KALRN: variants seen among roughly 807,000 people sequenced by gnomAD.
KALRN encodes the protein kalirin.
Under a neutral mutation model 353.7 loss-of-function variants are expected in KALRN, and 70 were observed. That is an observed-to-expected ratio of 0.20 (90% CI 0.16 to 0.24). KALRN has a LOEUF of 0.24. KALRN is among the 10% of genes least tolerant of loss of function. The probability of loss-of-function intolerance (pLI) is 1.00; values close to 1 mark genes in which losing one functional copy is unlikely to be tolerated. For missense variants in KALRN, 2,791 were observed against 3,756.7 expected, an observed-to-expected ratio of 0.74 and a Z score of 6.72; for synonymous variants, 1,391 against 1,434.8, an observed-to-expected ratio of 0.97 and a Z score of 0.69.
chr3:124,060,570 C>G (rs2041919119), intron 1 of KALRN, among the ~76,000 whole-genome samples: 2 of 152,298 alleles, frequency 1.3e-5, no homozygotes, highest in Middle Eastern at 3.4e-3. Flanking sequence ...TCCCGCTTCC[C>G]CCAGCTGCAG....
At chr3:124,177,804 C>T (rs2150171288) in intron 1 of KALRN, among the ~76,000 whole-genome samples, 1 of 152,242 alleles carries the variant, frequency 6.6e-6, no homozygotes, top group African/African-American at 2.4e-5. Context: ...TTTTAGTGGC[C>T]AGTAGCCCAG....
At chr3:124,440,808 C>T (rs998705665) in intron 18 of KALRN, among the ~76,000 whole-genome samples, 1 of 151,774 alleles carries the variant, frequency 6.6e-6, no homozygotes, top group Non-Finnish European at 1.5e-5. Flanking sequence ...TATTACTTTA[C>T]AACCAGAAAA....
chr3:124,678,382 C>A lies in KALRN; in HGVS notation c.7317+69C>A, dbSNP rs570094761. The stretch of plus-strand genomic sequence containing the variant: ...TCCCACCCTGCAGCATTCTCACAAG[C>A]CAATTTGGGTGGATGGGTTATTTTT... On this transcript the variant is annotated intron_variant, in intron 50 of 59. Transcript: ENST00000682506. 5.0e-4 allele frequency: 776 copies of A among 1,551,256 alleles called. 7 individuals are homozygous for A. In the Middle Eastern group the frequency reaches 9.1e-3, roughly 18 times the overall value.
chr3:124,651,565 A>G (rs2150110948), intron 38 of KALRN, among the ~76,000 whole-genome samples: 1 of 152,302 alleles, frequency 6.6e-6, no homozygotes, highest in East Asian at 1.9e-4. Flanking sequence ...TGAGTTGATC[A>G]AGAATATACC....
chr3:124,055,374 C>T (rs1441069791), intron 1 of KALRN, among the ~76,000 whole-genome samples: 1 of 152,208 alleles, frequency 6.6e-6, no homozygotes, highest in Non-Finnish European at 1.5e-5. Context: ...CCACTAAACA[C>T]GTCTCTTGAA....
intron 1 of KALRN, among the ~76,000 whole-genome samples, chr3:124,066,208 GA>G (rs1422226505): frequency 6.6e-6 from 1 of 152,182 alleles, no homozygotes; most frequent in East Asian, 1.9e-4. Flanking sequence ...TAGCCATTAT[GA>G]TTTTTTTTCT....
At chr3:124,191,151 C>T (rs1468095923) in intron 1 of KALRN, among the ~76,000 whole-genome samples, 2 of 152,232 alleles carry the variant, frequency 1.3e-5, no homozygotes, top group Non-Finnish European at 2.9e-5. Context: ...TATGTCATTT[C>T]TGGGTGTGCC....
intron 9 of KALRN, among the ~76,000 whole-genome samples, chr3:124,342,595 A>C (rs13093450): frequency 0.31 from 47,184 of 152,106 alleles, 7,525 homozygotes; most frequent in Non-Finnish European, 0.34. Context: ...TATTTTTAAA[A>C]TGGATTTGGT....
At chr3:124,395,382 G>A (rs1305180235) in intron 12 of KALRN, 39 bp downstream of exon 12, 1 of 1,536,164 alleles carries the variant, frequency 6.5e-7, no homozygotes, top group Admixed American at 1.9e-5. Flanking sequence ...AAATGCCTCG[G>A]GCTAGACGTG....
chr3:124,698,183 G>A (rs2062146550), intron 55 of KALRN, among the ~76,000 whole-genome samples: 1 of 152,176 alleles, frequency 6.6e-6, no homozygotes, highest in Admixed American at 6.5e-5. Flanking sequence ...TGCCCAGGCT[G>A]CTGGCTGCTG....
chr3:124,464,945 C>T (rs1475434397), intron 25 of KALRN, among the ~76,000 whole-genome samples: 1 of 151,114 alleles, frequency 6.6e-6, no homozygotes. Context: ...GGGCCCAATA[C>T]AGCCACTGTG....
intron 2 of KALRN, among the ~76,000 whole-genome samples, chr3:124,230,653 C>A (rs181672030): frequency 6.6e-6 from 1 of 151,994 alleles, no homozygotes; most frequent in Non-Finnish European, 1.5e-5. Context: ...GCATAGCTCT[C>A]CCCCATTTGC....
intron 3 of KALRN, among the ~76,000 whole-genome samples, chr3:124,256,579 A>G (rs2072021250): frequency 6.6e-6 from 1 of 152,158 alleles, no homozygotes; most frequent in African/African-American, 2.4e-5. Flanking sequence ...CTAAATTGTG[A>G]TCTCTGCTAG....
chr3:124,542,093 C>T (rs1021288801), intron 33 of KALRN, among the ~76,000 whole-genome samples: 1 of 152,218 alleles, frequency 6.6e-6, no homozygotes, highest in African/African-American at 2.4e-5. Context: ...GAAGATGCTG[C>T]TGCCTCAGGC....
chr3:124,072,683 G>A (rs1215253063), intron 1 of KALRN, among the ~76,000 whole-genome samples: 1 of 152,198 alleles, frequency 6.6e-6, no homozygotes, highest in Non-Finnish European at 1.5e-5. Flanking sequence ...GAGGTGTTTT[G>A]CAAATACGTG....
At chr3:124,487,625 C>A (rs1406629610) in intron 28 of KALRN, among the ~76,000 whole-genome samples, 1 of 152,188 alleles carries the variant, frequency 6.6e-6, no homozygotes, top group Non-Finnish European at 1.5e-5. Context: ...ATTAGGAACT[C>A]CTGATCCATA....
chr3:124,618,772 G>A (rs1314244098), intron 34 of KALRN, among the ~76,000 whole-genome samples: 1 of 152,146 alleles, frequency 6.6e-6, no homozygotes, highest in Non-Finnish European at 1.5e-5. Flanking sequence ...GCTAAATCCA[G>A]GAGAAGGTGC....
chr3:124,128,640 T>A (rs2064950508), intron 1 of KALRN, among the ~76,000 whole-genome samples: 1 of 152,144 alleles, frequency 6.6e-6, no homozygotes, highest in African/African-American at 2.4e-5. Context: ...GAAGGTCTTT[T>A]CTGATGGAAT....
intron 3 of KALRN, among the ~76,000 whole-genome samples, chr3:124,256,626 T>TATTC (rs767969143): frequency 1.6e-4 from 24 of 152,298 alleles, no homozygotes; most frequent in Non-Finnish European, 3.4e-4. Flanking sequence ...GTGACACGCC[T>TATTC]ATTCATTCAT....
Sources: gnomAD v4.1 joint callset for allele counts (sites outside exome capture counted in the v4.1 genomes callset) on GRCh38, gnomAD v4.1.1 for gene constraint, MANE v1.5 for transcripts, NCBI Gene and HGNC (gene_info 2026-07-23, HGNC 2026-07-21) for gene names.